Variants in CHST13 observed in about 807,000 individuals in gnomAD.
CHST13 encodes the protein C4ST-3.
CHST13 carries 1 observed loss-of-function variant against 7.0 expected under a neutral mutation model. That is an observed-to-expected ratio of 0.14 (90% confidence interval 0.05 to 0.68). The LOEUF (loss-of-function observed/expected upper bound fraction) is 0.68. Ranked by LOEUF, CHST13 falls within the 30% of genes least tolerant of loss-of-function variation. The probability of loss-of-function intolerance (pLI) is 0.82; values close to 1 mark genes in which losing one functional copy is unlikely to be tolerated. For missense variants in CHST13, 572 were observed against 507.9 expected (o/e 1.13, Z -1.21); for synonymous variants, 257 against 240.9 (o/e 1.07, Z -0.62).
At chr3:126,538,247 C>T (rs1936840234) in intron 2 of CHST13, among the ~76,000 whole-genome samples, 1 of 152,244 alleles carries the variant, frequency 6.6e-6, no homozygotes, top group African/African-American at 2.4e-5. Flanking sequence ...CAGCTGCCCA[C>T]CATCGTCCTC....
chr3:126,539,009 C>T (rs77667132), intron 2 of CHST13, among the ~76,000 whole-genome samples: 4,545 of 152,222 alleles, frequency 0.03, 98 homozygotes, highest in African/African-American at 0.058. Flanking sequence ...ATGCTCTAGG[C>T]GTGTAAGTAG....
chr3:126,542,083 C>A lies in CHST13; in HGVS notation c.531C>A (p.Phe177Leu). 1.3e-6 allele frequency: 2 copies of A among 1,584,280 alleles called. No homozygotes were observed. The highest frequency in any genetic ancestry group is 1.4e-5 in the African/African-American group (1 of 72,758). The change falls in exon 3 of 3, where the codon TTC becomes TTA. Residue 177 changes from phenylalanine (F) to leucine (L), a missense_variant. Transcript: ENST00000319340. Reference protein sequence around the residue: ...YLAFLFVREPFERLASAYRNK... With the variant: ...YLAFLFVREPLERLASAYRNK... ...CCTTCCTGTTCGTGCGGGAGCCCTT[C>A]GAGCGCCTGGCATCGGCTTACCGCA...
intron 1 of CHST13, among the ~76,000 whole-genome samples, chr3:126,528,653 G>A (rs1936583701): frequency 6.6e-6 from 1 of 152,144 alleles, no homozygotes; most frequent in African/African-American, 2.4e-5. Flanking sequence ...AGTGGGGTCC[G>A]GAGGGTTCTG....
At chr3:126,531,044 C>G (rs960999249) in intron 1 of CHST13, among the ~76,000 whole-genome samples, 11 of 152,262 alleles carry the variant, frequency 7.2e-5, no homozygotes, top group Non-Finnish European at 1.5e-4. Flanking sequence ...AAGGCCCGTC[C>G]AGCTGCCATC....
In CHST13 at chr3:126,542,534, C is replaced by G. The variant is rs746686745; in HGVS notation, c.982C>G (p.Leu328Val). 1 of 1,535,694 alleles carries G rather than the reference C, an allele frequency of 6.5e-7. No homozygotes were observed. Among genetic ancestry groups the G allele is most frequent in the South Asian group, 1.3e-5 (1 of 79,484 alleles). Residue 328 changes from leucine (L) to valine (V), a missense_variant, in exon 3 of 3, where the codon CTG becomes GTG. Leu to Val is a conservative substitution (Grantham distance 32). Transcript: ENST00000319340. ...RLFDLYKMDF[L>V]LFNYSAPSYL... ...CTTCGACCTCTACAAGATGGACTTCCTGCTTTTCAACTACTCCGCCCCCTC... is the reference window on the plus strand; with the variant it reads ...CTTCGACCTCTACAAGATGGACTTCGTGCTTTTCAACTACTCCGCCCCCTC...
At chr3:126,541,255 G>T (rs1936951167) in intron 2 of CHST13, among the ~76,000 whole-genome samples, 1 of 152,230 alleles carries the variant, frequency 6.6e-6, no homozygotes, top group Non-Finnish European at 1.5e-5. Flanking sequence ...GTGCAAAGGA[G>T]AGTGCTGATT....
At chr3:126,529,638 C>A (rs1270585424) in intron 1 of CHST13, among the ~76,000 whole-genome samples, 1 of 152,138 alleles carries the variant, frequency 6.6e-6, no homozygotes, top group East Asian at 1.9e-4. Flanking sequence ...GGCCTGCAGT[C>A]CCCACCATGC....
intron 2 of CHST13, among the ~76,000 whole-genome samples, chr3:126,539,362 T>G (rs1936872071): frequency 6.6e-6 from 1 of 152,080 alleles, no homozygotes; most frequent in Admixed American, 6.5e-5. Flanking sequence ...TCCCACTTAG[T>G]GTATCTTAGA....
At chr3:126,539,823 CATACCACACACA>C (rs1936903167) in intron 2 of CHST13, among the ~76,000 whole-genome samples, 1 of 98,014 alleles carries the variant, frequency 1.0e-5, no homozygotes. Context: ...CACAAACACA[CATACCACACACA>C]CACCACACAC....
rs1937009901 is a variant in CHST13, at chr3:126,543,192, GC to G, written c.*616del. 2 of 152,292 alleles carry G rather than the reference GC, an allele frequency of 1.3e-5. No homozygotes were observed. Among genetic ancestry groups the G allele is most frequent in the African/African-American group, 4.8e-5 (2 of 41,474 alleles). The allele number at this position is 152,292 out of a possible 1,614,324, so 9.4% of individuals were successfully genotyped here. A position where few individuals can be genotyped will look rare whatever the true frequency, so the allele number is the denominator to read the frequency against. ...AAGACGCTGGGTCTTCAGGCTCCAT[GC>G]CAACAGAGCCCCTGGTGCAATGCGG... On this transcript the variant is annotated 3_prime_UTR_variant, in exon 3 of 3. Coordinates refer to ENST00000319340, the MANE Select transcript of CHST13 (RefSeq NM_152889.3).
rs1456014461 is a variant in CHST13, at chr3:126,525,366, G to GA, written c.97+938dup. ...CGGGGATGTTGGGCAGTGGGGGTGG[G>GA]AGTGGCCCAAGACTTGAGGATATCA... On this transcript the variant is annotated intron_variant, in intron 1 of 2. Coordinates refer to ENST00000319340, the MANE Select transcript of CHST13 (RefSeq NM_152889.3). Among the ~76,000 whole-genome samples, 11 of 152,182 alleles carry GA rather than the reference G, an allele frequency of 7.2e-5. No homozygotes were observed. In the East Asian group the frequency reaches 2.1e-3, roughly 29 times the overall value.
At chr3:126,535,158 G>GAC (rs1936750792) in intron 1 of CHST13, among the ~76,000 whole-genome samples, 28 of 126,118 alleles carry the variant, frequency 2.2e-4, no homozygotes, top group East Asian at 7.8e-4. Context: ...CCCCAGCCGG[G>GAC]AGACAGACAG....
intron 1 of CHST13, among the ~76,000 whole-genome samples, chr3:126,532,637 C>T (rs148056223): frequency 6.6e-6 from 1 of 152,320 alleles, no homozygotes; most frequent in East Asian, 1.9e-4. Flanking sequence ...TATGTCTCTC[C>T]TAGCCAGCAC....
At position 126,542,425 on chromosome 3, in the gene CHST13, G is replaced by A. The variant is rs1187006321; in HGVS notation, c.873G>A (p.Pro291=). 5 of 1,552,202 alleles carry A rather than the reference G, an allele frequency of 3.2e-6. No homozygotes were observed. Among genetic ancestry groups the A allele is most frequent in the South Asian group, 2.4e-5 (2 of 84,026 alleles). ...AGASDLSFPG[P]PRPRGAAASR... Reference sequence around the variant, plus strand: ...CATCCGACCTGAGCTTCCCTGGGCCGCCGCGGCCCCGGGGAGCCGCCGCCT... The same window carrying A: ...CATCCGACCTGAGCTTCCCTGGGCCACCGCGGCCCCGGGGAGCCGCCGCCT... Residue 291 remains proline (P), a synonymous_variant, in exon 3 of 3, where the codon CCG becomes CCA. Transcript: ENST00000319340.
At chr3:126,537,183 C>T (rs997258903) in intron 2 of CHST13, among the ~76,000 whole-genome samples, 10 of 152,196 alleles carry the variant, frequency 6.6e-5, no homozygotes, top group African/African-American at 2.4e-4. Flanking sequence ...AGCAACTCCT[C>T]TCCAAGGTAG....
At chr3:126,526,815 G>A (rs888628991) in intron 1 of CHST13, among the ~76,000 whole-genome samples, 4 of 152,330 alleles carry the variant, frequency 2.6e-5, no homozygotes, top group East Asian at 1.9e-4. Context: ...AGTGCCCAGC[G>A]GCAGCTCCCA....
Position 126,543,083 on chromosome 3 carries a change from A to C in CHST13, c.*505A>C, listed in dbSNP as rs946740875. The C allele has an allele frequency of 6.6e-6, 1 of 152,196 alleles. No homozygotes were observed. Among genetic ancestry groups the C allele is most frequent in the African/African-American group, 2.4e-5 (1 of 41,396 alleles). The allele number at this position is 152,196 out of a possible 1,614,324, so 9.4% of individuals were successfully genotyped here. On this transcript the variant is annotated 3_prime_UTR_variant, in exon 3 of 3. Coordinates refer to ENST00000319340, the MANE Select transcript of CHST13 (RefSeq NM_152889.3). The stretch of plus-strand genomic sequence containing the variant: ...GGGGCCGTCCCGGGAGCCAGGTGGG[A>C]GCTGCCTTCCACTGCCATCGGGTCT...
At chr3:126,532,424 C>A (rs1221660403) in intron 1 of CHST13, among the ~76,000 whole-genome samples, 1 of 152,022 alleles carries the variant, frequency 6.6e-6, no homozygotes, top group Admixed American at 6.6e-5. Flanking sequence ...GGGCTATGAT[C>A]CATTTTGAGT....
chr3:126,528,756 A>G (rs1936586115), intron 1 of CHST13, among the ~76,000 whole-genome samples: 1 of 152,124 alleles, frequency 6.6e-6, no homozygotes, highest in Non-Finnish European at 1.5e-5. Flanking sequence ...ATGGAGTTTG[A>G]ACTAAATACA....
Sources: gnomAD v4.1 joint callset for allele counts (sites outside exome capture counted in the v4.1 genomes callset) on GRCh38, gnomAD v4.1.1 for gene constraint, MANE v1.5 for transcripts, NCBI Gene and HGNC (gene_info 2026-07-23, HGNC 2026-07-21) for gene names.